The following CIAO3 variants were observed in gnomAD, a reference collection of about 807,000 sequenced individuals.
The protein encoded by CIAO3 is LET1 like/JFP15.
A neutral mutation model predicts 51.5 loss-of-function variants in CIAO3; 45 were observed. That is an observed-to-expected ratio of 0.87 (90% confidence interval 0.69 to 1.12). The LOEUF is 1.12. CIAO3 is among the 50% of genes most tolerant of loss of function. CIAO3 has a pLI of 0.00. For synonymous variants in CIAO3, 314 were observed against 269.3 expected, an observed-to-expected ratio of 1.17 and a Z score of -1.63; for missense variants, 668 against 632.5, an observed-to-expected ratio of 1.06 and a Z score of -0.60.
In CIAO3 at chr16:737,957, A is replaced by C; in HGVS notation, c.163-628T>G. 1 of 1,179,524 alleles carries C rather than the reference A, an allele frequency of 8.5e-7. No homozygotes were observed. The highest frequency in any genetic ancestry group is 1.1e-6 in the Non-Finnish European group (1 of 937,700). 73.1% of individuals were successfully genotyped at this position (1,179,524 alleles called of 1,614,324 possible). Reference sequence around the variant, plus strand: ...CTGCAAAGGCAGGAATGGTTTGAGCAGGGCCAGGGGTGCTGCAGTGGCCCG... The same window carrying C: ...CTGCAAAGGCAGGAATGGTTTGAGCCGGGCCAGGGGTGCTGCAGTGGCCCG... On this transcript the variant is annotated intron_variant, in intron 2 of 10. Transcript: ENST00000251588. The surrounding 1 kb of genome is among the most constrained non-coding windows in gnomAD (Gnocchi z 5.3).
chr16:733,277 G>A, intron 7 of CIAO3, 21 bp downstream of exon 7: 1 of 1,612,202 alleles, frequency 6.2e-7, no homozygotes, highest in Non-Finnish European at 8.5e-7. Context: ...GAGGGCTCAG[G>A]GCCGCACGGC....
Position 729,801 on chromosome 16 carries a change from G to A in CIAO3, c.*616C>T. 1.9e-6 allele frequency: 2 copies of A among 1,050,932 alleles called. No individual in the cohort carries two copies. Among genetic ancestry groups the A allele is most frequent in the South Asian group, 1.7e-5 (1 of 60,472 alleles). 65.1% of individuals were successfully genotyped at this position (1,050,932 alleles called of 1,614,324 possible). ...GGGTGCGTTTATTAGACAAACGCTG[G>A]GAGACAGGCCTGGTGGGGACCTGGC... On this transcript the variant is annotated 3_prime_UTR_variant, in exon 11 of 11. Coordinates refer to ENST00000251588, the MANE Select transcript of CIAO3 (RefSeq NM_022493.3).
chr16:737,375 G>A lies in CIAO3; in HGVS notation c.163-46C>T. On this transcript the variant is annotated intron_variant, in intron 2 of 10. Transcript: ENST00000251588. This position sits in a 1 kb window ranked among gnomAD's most constrained non-coding sequence, Gnocchi z 5.3. ...GTGCACAGGGGCCCCCTCTGCACGA[G>A]GACATGGAGACAGAGGATAGTGGAG... 6.2e-7 allele frequency: 1 copy of A among 1,609,742 alleles called. No individual in the cohort carries two copies. Among genetic ancestry groups the A allele is most frequent in the Non-Finnish European group, 8.5e-7 (1 of 1,178,184 alleles).
At chr16:735,008 G>T in intron 4 of CIAO3, 137 bp from the exon 5 acceptor site, 2 of 1,237,086 alleles carry the variant, frequency 1.6e-6, no homozygotes, top group Non-Finnish European at 2.2e-6. Flanking sequence ...CGGCCCCACC[G>T]TGGGGACCTC....
chr16:729,811 C>T lies in CIAO3; in HGVS notation c.*606G>A, dbSNP rs1442686606. ...ATTAGACAAACGCTGGGAGACAGGC[C>T]TGGTGGGGACCTGGCTGGGGGATGA... On this transcript the variant is annotated 3_prime_UTR_variant, in exon 11 of 11. Transcript: ENST00000251588. 2.2e-5 allele frequency: 21 copies of T among 950,840 alleles called. 1 individual carries two copies. In the South Asian group the frequency reaches 3.3e-4, roughly 15 times the overall value. The allele number at this position is 950,840 out of a possible 1,614,324, so 58.9% of individuals were successfully genotyped here.
intron 7 of CIAO3, 45 bp from the exon 8 acceptor site, chr16:732,418 G>A: frequency 6.2e-7 from 1 of 1,604,936 alleles, no homozygotes; most frequent in South Asian, 1.1e-5. Flanking sequence ...GGAGATCCCA[G>A]CAACAAAGTC....
intron 5 of CIAO3, 195 bp from the exon 6 acceptor site, chr16:734,542 G>A (rs370609694): frequency 2.9e-6 from 3 of 1,040,942 alleles, no homozygotes; most frequent in Non-Finnish European, 1.5e-6. Flanking sequence ...GACCTGAGGT[G>A]ACTGCGCGTG....
At chr16:736,875 G>A (rs546740270) in intron 3 of CIAO3, 25 of 379,524 alleles carry the variant, frequency 6.6e-5, no homozygotes, top group South Asian at 4.8e-4. Flanking sequence ...TGTTGGCCAC[G>A]GTGGTCTCGA....
Position 729,929 on chromosome 16 carries a change from C to A in CIAO3, c.*488G>T, listed in dbSNP as rs1282325405. ...CTGCTTTCCAGGGGCCTGGCACCCC[C>A]CCCTGCCAGGGTCCACACGCAGGGT... On this transcript the variant is annotated 3_prime_UTR_variant, in exon 11 of 11. Transcript: ENST00000251588. The A allele has an allele frequency of 1.4e-5, 5 of 349,668 alleles. No individual in the cohort carries two copies. The highest frequency in any genetic ancestry group is 2.7e-5 in the Non-Finnish European group (5 of 186,866). The allele number at this position is 349,668 out of a possible 1,614,324, so 21.7% of individuals were successfully genotyped here.
rs772650690 is a variant in CIAO3, at chr16:736,401, G to A, written c.307-3C>T. 47 of 1,612,596 alleles carry A rather than the reference G, an allele frequency of 2.9e-5. 1 individual carries two copies. The South Asian group carries it at 4.5e-4, about 15-fold the overall frequency. On this transcript the variant is annotated splice_region_variant and splice_polypyrimidine_tract_variant and intron_variant, in intron 3 of 10. Transcript: ENST00000251588. ...CTCTGCTGACTGGGTGCCGCCATCT[G>A]CAAAGCAAGGGGAAGACGCTGCTTA... is the stretch of plus-strand genomic sequence containing the variant.
In CIAO3 at chr16:737,782, G is replaced by T. The variant is rs2041354527; in HGVS notation, c.163-453C>A. 1.6e-6 allele frequency: 2 copies of T among 1,215,314 alleles called. No homozygotes were observed. The highest frequency in any genetic ancestry group is 2.1e-6 in the Non-Finnish European group (2 of 953,262). The allele number at this position is 1,215,314 out of a possible 1,614,324, so 75.3% of individuals were successfully genotyped here. On this transcript the variant is annotated intron_variant, in intron 2 of 10. Coordinates refer to ENST00000251588, the MANE Select transcript of CIAO3 (RefSeq NM_022493.3). This position sits in a 1 kb window ranked among gnomAD's most constrained non-coding sequence, Gnocchi z 5.3. ...GAGAGCAGAGGGAGGAAGCCTGGGA[G>T]CCTGGCCTCCGGTGGGCGGGGCAGA...
chr16:737,443 TG>T lies in CIAO3; in HGVS notation c.163-115del. 1 of 1,570,428 alleles carries T rather than the reference TG, an allele frequency of 6.4e-7. No individual in the cohort carries two copies. The highest frequency in any genetic ancestry group is 1.1e-5 in the South Asian group (1 of 86,970). On this transcript the variant is annotated intron_variant, in intron 2 of 10. Coordinates refer to ENST00000251588, the MANE Select transcript of CIAO3 (RefSeq NM_022493.3). The surrounding 1 kb of genome is among the most constrained non-coding windows in gnomAD (Gnocchi z 5.3). Reference sequence around the variant, plus strand: ...AACCAACATGGCTGCTGGCTGGGCTTGTGTGCCGCTGAATTTTTAAAAATTA... The same window carrying T: ...AACCAACATGGCTGCTGGCTGGGCTTTGTGCCGCTGAATTTTTAAAAATTA...
Position 737,722 on chromosome 16 carries a change from G to A in CIAO3, c.163-393C>T, listed in dbSNP as rs1365913557. 1 of 1,291,638 alleles carries A rather than the reference G, an allele frequency of 7.7e-7. No individual in the cohort carries two copies. The highest frequency in any genetic ancestry group is 2.3e-5 in the Admixed American group (1 of 43,052). The allele number at this position is 1,291,638 out of a possible 1,614,324, so 80.0% of individuals were successfully genotyped here. On this transcript the variant is annotated intron_variant, in intron 2 of 10. Transcript: ENST00000251588. The surrounding 1 kb of genome is among the most constrained non-coding windows in gnomAD (Gnocchi z 5.3). ...TGAAAGGAGGAGGCGGGAAAGCTGA[G>A]GACAAAGGAGGAAAGGACGAAGGCA... is the stretch of plus-strand genomic sequence containing the variant.
intron 1 of CIAO3, chr16:740,211 C>A (rs1432327644): frequency 1.7e-5 from 14 of 839,832 alleles, no homozygotes; most frequent in Non-Finnish European, 2.2e-5. Flanking sequence ...CTCATCCCTG[C>A]CGGAAGCGCT....
intron 1 of CIAO3, chr16:740,626 C>T: frequency 2.0e-6 from 1 of 493,620 alleles, no homozygotes; most frequent in Non-Finnish European, 3.6e-6. Flanking sequence ...GTTGGGCAGG[C>T]CGGCGCGAGC....
chr16:733,079 T>G, intron 7 of CIAO3: 1 of 570,328 alleles, frequency 1.8e-6, no homozygotes. Context: ...AAGGAGGTAT[T>G]ACTGAGCGCC....
chr16:731,875 G>GCT (rs2041287190), intron 8 of CIAO3, 173 bp from the exon 9 acceptor site: 2 of 697,498 alleles, frequency 2.9e-6, no homozygotes, highest in African/African-American at 3.7e-5. Flanking sequence ...GCCACTTCTT[G>GCT]TTTTTTTTTT....
intron 7 of CIAO3, chr16:732,854 T>C: frequency 3.1e-6 from 1 of 321,958 alleles, no homozygotes; most frequent in South Asian, 2.6e-5. Flanking sequence ...GCCAGGCTGG[T>C]CTTGAACTCC....
rs764219549 is a variant in CIAO3, at chr16:730,531, C to T, written c.1317G>A (p.Gln439=). 6 of 1,610,828 alleles carry T rather than the reference C, an allele frequency of 3.7e-6. No homozygotes were observed. ...AEAPEDAPGV[Q]ELYTHWLQGT... ...CCTGCAGCCAGTGTGTGTACAGCTC[C>T]TGAACCCCAGGCGCGTCCTCGGGCG... Residue 439 remains glutamine, a synonymous_variant, in exon 11 of 11, where the codon CAG becomes CAA. Transcript: ENST00000251588.
Sources: gnomAD v4.1 joint callset for allele counts on GRCh38, gnomAD v4.1.1 for gene constraint, Gnocchi (gnomAD v3.1) non-coding constraint, MANE v1.5 for transcripts, NCBI Gene and HGNC (gene_info 2026-07-23, HGNC 2026-07-21) for gene names.